CACNA1I: variants seen among roughly 807,000 people sequenced by gnomAD.
CACNA1I encodes the protein calcium voltage-gated channel subunit alpha1 I.
A neutral mutation model predicts 201.6 loss-of-function variants in CACNA1I; 74 were observed. The ratio of observed to expected loss-of-function variants is 0.37; its 90% CI spans 0.30 to 0.45. CACNA1I has a LOEUF of 0.45. Among genes scored for constraint, CACNA1I ranks in the 20% least tolerant of loss-of-function variants. The pLI is 1.00. For synonymous variants in CACNA1I, 1,431 were observed against 1,345.2 expected (o/e 1.06, Z -1.40); for missense variants, 2,346 against 3,138.1 (o/e 0.75, Z 6.03).
intron 10 of CACNA1I, among the ~76,000 whole-genome samples, chr22:39,653,946 A>AC (rs1934737878): frequency 6.6e-6 from 1 of 151,990 alleles, no homozygotes; most frequent in Non-Finnish European, 1.5e-5. Context: ...TGAAATTCCC[A>AC]CCCCCTGGGT....
intron 11 of CACNA1I, 86 bp from the exon 12 acceptor site, chr22:39,658,845 T>C (rs1934905719): frequency 1.7e-6 from 2 of 1,153,706 alleles, no homozygotes; most frequent in Admixed American, 4.3e-5. Context: ...TCTCTCTGTT[T>C]TCCCTTCTCC....
Position 39,648,384 on chromosome 22 carries a change from G to A in CACNA1I, c.1567+458G>A, listed in dbSNP as rs5750866. 0.19 allele frequency among the ~76,000 whole-genome samples: 28,299 copies of A among 152,040 alleles called. 4,704 individuals are homozygous for A. Among genetic ancestry groups the A allele is most frequent in the East Asian group, 0.79 (4,045 of 5,108 alleles). Reference sequence around the variant, plus strand: ...GTGTTCACTCCAACGGGCTTCCTGCGGCCGCCCAGCCCCCTCTCCTGGCAC... The same window carrying A: ...GTGTTCACTCCAACGGGCTTCCTGCAGCCGCCCAGCCCCCTCTCCTGGCAC... On this transcript the variant is annotated intron_variant, in intron 9 of 36. Transcript: ENST00000402142. The surrounding 1 kb of genome is among the most constrained non-coding windows in gnomAD (Gnocchi z 5.4).
At position 39,661,964 on chromosome 22, in the gene CACNA1I, G is replaced by C; in HGVS notation, c.2902-1G>C. 6.6e-7 allele frequency: 1 copy of C among 1,523,992 alleles called. No individual in the cohort carries two copies. The highest frequency in any genetic ancestry group is 8.8e-7 in the Non-Finnish European group (1 of 1,141,090). The allele number at this position is 1,523,992 out of a possible 1,614,324, so 94.4% of individuals were successfully genotyped here. On this transcript the variant is annotated splice_acceptor_variant, in intron 16 of 36. Coordinates refer to ENST00000402142, the MANE Select transcript of CACNA1I (RefSeq NM_021096.4). LOFTEE classifies it high-confidence loss of function. ...CTGACCCGAACGGGAACTCCTTCCAGTCCAGCTCCCGGAGCTCCTACTACG... is the reference window on the plus strand; with the variant it reads ...CTGACCCGAACGGGAACTCCTTCCACTCCAGCTCCCGGAGCTCCTACTACG...
chr22:39,645,381 G>A (rs968376556), intron 7 of CACNA1I, among the ~76,000 whole-genome samples: 1 of 152,194 alleles, frequency 6.6e-6, no homozygotes, highest in Non-Finnish European at 1.5e-5. Flanking sequence ...AGGCCCACCC[G>A]GGTCGCCCAG....
intron 24 of CACNA1I, 45 bp from the exon 25 acceptor site, chr22:39,669,993 G>C (rs1271066667): frequency 1.9e-6 from 3 of 1,604,832 alleles, no homozygotes; most frequent in Admixed American, 1.7e-5. Context: ...CCATGGCCCT[G>C]TAGGGCCCAA....
rs992144003 is a variant in CACNA1I at position 39,684,159 on chromosome 22, G to A, written c.5831-143G>A. On this transcript the variant is annotated intron_variant, in intron 35 of 36. Transcript: ENST00000402142. The surrounding 1 kb of genome is among the most constrained non-coding windows in gnomAD (Gnocchi z 4.6). ...GGGGAAACGAAGGCTTAGAGAGGGG[G>A]GACTTGTCCACAGTCTCACAGTCAG... 1.5e-6 allele frequency: 1 copy of A among 657,316 alleles called. No homozygotes were observed. Among genetic ancestry groups the A allele is most frequent in the African/African-American group, 1.8e-5 (1 of 55,180 alleles). The allele number at this position is 657,316 out of a possible 1,614,324, so 40.7% of individuals were successfully genotyped here.
In CACNA1I at chr22:39,649,812, C is replaced by T. The variant is rs567197463; in HGVS notation, c.1879C>T (p.Arg627Trp). 1.2e-5 allele frequency: 20 copies of T among 1,611,382 alleles called. No individual in the cohort carries two copies. The highest frequency in any genetic ancestry group is 1.7e-4 in the Middle Eastern group (1 of 6,060). The change falls in exon 10 of 37, where the codon CGG (arginine) becomes TGG (tryptophan). Residue 627 changes from arginine to tryptophan, a missense_variant. By Grantham distance (101) the Arg-to-Trp change is moderately radical. Transcript: ENST00000402142. The surrounding 1 kb of genome is among the most constrained non-coding windows in gnomAD (Gnocchi z 7.3). Reference sequence around the variant, plus strand: ...GGTCTGGCTGTGCGGGGATGTGTGGCGGGAGACGCGAGCCAAGCTGCGCGG... The same window carrying T: ...GGTCTGGCTGTGCGGGGATGTGTGGTGGGAGACGCGAGCCAAGCTGCGCGG... Reference protein sequence around the residue: ...GAVWLCGDVWRETRAKLRGIV... With the variant: ...GAVWLCGDVWWETRAKLRGIV...
At chr22:39,578,895 C>T (rs1330761086) in intron 1 of CACNA1I, among the ~76,000 whole-genome samples, 2 of 152,174 alleles carry the variant, frequency 1.3e-5, no homozygotes, top group Non-Finnish European at 2.9e-5. Context: ...TCTGCCTTTG[C>T]TCCTGCTGGG....
chr22:39,575,805 C>T (rs1221417922), intron 1 of CACNA1I, among the ~76,000 whole-genome samples: 1 of 150,986 alleles, frequency 6.6e-6, no homozygotes, highest in Admixed American at 6.6e-5. Flanking sequence ...GACAGAGTCT[C>T]TCTCTGTCAC....
intron 10 of CACNA1I, among the ~76,000 whole-genome samples, chr22:39,654,863 A>G (rs534440840): frequency 2.0e-5 from 3 of 152,310 alleles, no homozygotes; most frequent in East Asian, 3.9e-4. Flanking sequence ...GCAGGAGGCC[A>G]GGAGGGCTGT....
chr22:39,640,340 G>A (rs1934321434), intron 5 of CACNA1I, among the ~76,000 whole-genome samples: 1 of 152,198 alleles, frequency 6.6e-6, no homozygotes, highest in African/African-American at 2.4e-5. Flanking sequence ...AGTGAGCCAA[G>A]ATCTCACCAC....
intron 33 of CACNA1I, among the ~76,000 whole-genome samples, chr22:39,680,531 C>T (rs894370182): frequency 7.9e-5 from 12 of 152,196 alleles, no homozygotes; most frequent in African/African-American, 1.9e-4. Flanking sequence ...CTCTGGGCCC[C>T]GCAGTGTCCC....
chr22:39,589,299 G>A (rs1220708831), intron 1 of CACNA1I, among the ~76,000 whole-genome samples: 1 of 152,200 alleles, frequency 6.6e-6, no homozygotes, highest in African/African-American at 2.4e-5. Context: ...GGGTGTGTGA[G>A]CATTTCTCCT....
At position 39,649,563 on chromosome 22, in the gene CACNA1I, G is replaced by A. The variant is rs538823777; in HGVS notation, c.1630G>A (p.Ala544Thr). 2.3e-4 allele frequency: 361 copies of A among 1,550,626 alleles called. 3 individuals are homozygous for A. In the South Asian group the frequency reaches 3.3e-3, roughly 14 times the overall value. Residue 544 changes from alanine (A) to threonine (T), a missense_variant, in exon 10 of 37, where the codon GCC (alanine) becomes ACC (threonine). This residue lies in a region of CACNA1I where 312 missense variants were observed against 331.5 expected (regional missense o/e 0.94). Transcript: ENST00000402142. This position sits in a 1 kb window ranked among gnomAD's most constrained non-coding sequence, Gnocchi z 7.3. ...TPHTLVQPIPATLASDPASCP... is the reference protein window; with the variant it reads ...TPHTLVQPIPTTLASDPASCP... ...CCACACCCTGGTGCAGCCCATCCCCGCCACGCTGGCTTCCGATCCCGCCAG... is the reference window on the plus strand; with the variant it reads ...CCACACCCTGGTGCAGCCCATCCCCACCACGCTGGCTTCCGATCCCGCCAG...
chr22:39,625,980 G>A (rs1933889100), intron 4 of CACNA1I, among the ~76,000 whole-genome samples: 1 of 152,258 alleles, frequency 6.6e-6, no homozygotes. Flanking sequence ...CCAGAGAGGT[G>A]ATAGTTCCCC....
chr22:39,660,097 G>A (rs1175828937), intron 14 of CACNA1I, among the ~76,000 whole-genome samples: 3 of 152,074 alleles, frequency 2.0e-5, no homozygotes, highest in Non-Finnish European at 2.9e-5. Flanking sequence ...TCTGAGATTC[G>A]AAATCCCCCA....
chr22:39,660,582 T>A (rs978832482), intron 15 of CACNA1I, 145 bp downstream of exon 15: 3 of 583,118 alleles, frequency 5.1e-6, no homozygotes, highest in Non-Finnish European at 8.9e-6. Context: ...CGTTCATAAT[T>A]GGAAAAAATG....
intron 3 of CACNA1I, 67 bp from the exon 4 acceptor site, chr22:39,619,243 T>G: frequency 8.2e-7 from 1 of 1,226,000 alleles, no homozygotes; most frequent in Non-Finnish European, 1.2e-6. Context: ...TGGAGAATGC[T>G]GTGGCCCGGG....
chr22:39,580,080 C>CTCCA (rs996997491), intron 1 of CACNA1I, among the ~76,000 whole-genome samples: 3 of 152,222 alleles, frequency 2.0e-5, no homozygotes, highest in African/African-American at 7.2e-5. Flanking sequence ...TAGGCTCCAC[C>CTCCA]TCCAGCATTG....
Sources: gnomAD v4.1 joint callset for allele counts (sites outside exome capture counted in the v4.1 genomes callset) on GRCh38, gnomAD v4.1.1 for gene constraint, gnomAD v4.1.1 regional missense constraint, Gnocchi (gnomAD v3.1) non-coding constraint, MANE v1.5 for transcripts, NCBI Gene and HGNC (gene_info 2026-07-23, HGNC 2026-07-21) for gene names.